The following VGLL4 variants were observed in gnomAD, a reference collection of about 807,000 sequenced individuals.
VGLL4 encodes transcription cofactor vestigial-like protein 4.
A neutral mutation model predicts 21.0 loss-of-function variants in VGLL4; 7 were observed. The ratio of observed to expected loss-of-function variants is 0.33; its 90% confidence interval spans 0.19 to 0.63. The LOEUF is 0.63. Ranked by LOEUF, VGLL4 falls within the 20% of genes least tolerant of loss-of-function variation. The pLI, the probability that VGLL4 is intolerant of heterozygous loss-of-function variation, is 0.78. For synonymous variants in VGLL4, 222 were observed against 173.2 expected, an observed-to-expected ratio of 1.28 and a Z score of -2.21; for missense variants, 394 against 425.7, an observed-to-expected ratio of 0.93 and a Z score of 0.66.
chr3:11,668,637 AG>A (rs1412512115), intron 2 of VGLL4, among the ~76,000 whole-genome samples: 5 of 152,228 alleles, frequency 3.3e-5, no homozygotes, highest in Non-Finnish European at 7.3e-5. Flanking sequence ...CACAGTATAA[AG>A]TCCAAGCCTC....
intron 2 of VGLL4, among the ~76,000 whole-genome samples, chr3:11,698,744 T>C (rs1443260028): frequency 2.6e-5 from 4 of 152,240 alleles, no homozygotes; most frequent in Non-Finnish European, 5.9e-5. Context: ...ATTGTGTTAC[T>C]ACAAAACCAC....
intron 2 of VGLL4, among the ~76,000 whole-genome samples, chr3:11,570,370 G>A (rs528934348): frequency 4.6e-5 from 7 of 152,208 alleles, no homozygotes; most frequent in South Asian, 2.1e-4. Flanking sequence ...CGGAGATGCC[G>A]GCCACCAAGG....
At chr3:11,571,265 T>G (rs558304833) in intron 2 of VGLL4, among the ~76,000 whole-genome samples, 47 of 152,042 alleles carry the variant, frequency 3.1e-4, no homozygotes, top group Non-Finnish European at 1.5e-4. Context: ...TGCCATAGCT[T>G]AACATTGCTT....
intron 2 of VGLL4, among the ~76,000 whole-genome samples, chr3:11,570,573 T>TA (rs2125163333): frequency 6.6e-6 from 1 of 152,112 alleles, no homozygotes; most frequent in Admixed American, 6.5e-5. Context: ...GTCCATAGAG[T>TA]AAATAAATCA....
At chr3:11,652,336 T>C (rs1559924839) in intron 2 of VGLL4, among the ~76,000 whole-genome samples, 1 of 152,356 alleles carries the variant, frequency 6.6e-6, no homozygotes, top group Non-Finnish European at 1.5e-5. Flanking sequence ...ATTAAATTGA[T>C]GCCAAGTGAT....
In VGLL4 at chr3:11,715,029, A is replaced by G. The variant is rs919826023; in HGVS notation, c.-14+5365T>C. Reference sequence around the variant, plus strand: ...GGGCGCCTGTAGTCCCAGCTACTCGAGAGGCTGAGGCAGGAGAATGGCGTG... The same window carrying G: ...GGGCGCCTGTAGTCCCAGCTACTCGGGAGGCTGAGGCAGGAGAATGGCGTG... On this transcript the variant is annotated intron_variant, in intron 1 of 5. Transcript: ENST00000273038. 4.6e-5 allele frequency among the ~76,000 whole-genome samples: 7 copies of G among 151,266 alleles called. No individual in the cohort carries two copies. In the East Asian group the frequency reaches 7.9e-4, roughly 17 times the overall value.
intron 2 of VGLL4, among the ~76,000 whole-genome samples, chr3:11,657,871 A>T (rs753311143): frequency 7.2e-5 from 11 of 152,204 alleles, no homozygotes; most frequent in Non-Finnish European, 1.3e-4. Flanking sequence ...CATGGTATCT[A>T]CATAAATGAT....
At chr3:11,560,761 C>T (rs930147378) in intron 3 of VGLL4, among the ~76,000 whole-genome samples, 1 of 152,150 alleles carries the variant, frequency 6.6e-6, no homozygotes, top group Admixed American at 6.5e-5. Flanking sequence ...CACTTAGCAG[C>T]GGGACAGAGC....
intron 2 of VGLL4, among the ~76,000 whole-genome samples, chr3:11,699,824 G>A (rs2076654570): frequency 6.6e-6 from 1 of 152,036 alleles, no homozygotes; most frequent in Middle Eastern, 3.4e-3. Flanking sequence ...AAAAAAAAAG[G>A]AGAATGATCT....
chr3:11,678,013 C>T (rs1019966378), intron 2 of VGLL4, among the ~76,000 whole-genome samples: 5 of 152,044 alleles, frequency 3.3e-5, no homozygotes, highest in African/African-American at 1.2e-4. Flanking sequence ...CGGACGCCAT[C>T]ATTCTCAGAT....
At chr3:11,564,626 C>T (rs2073354353) in intron 3 of VGLL4, 171 bp downstream of exon 3, 2 of 783,160 alleles carry the variant, frequency 2.6e-6, no homozygotes, top group Admixed American at 5.6e-5. Flanking sequence ...TTCTGCTGTC[C>T]CTTGTCCCAA....
intron 1 of VGLL4, among the ~76,000 whole-genome samples, chr3:11,622,417 C>CG (rs2075280029): frequency 6.7e-6 from 1 of 148,748 alleles, no homozygotes; most frequent in African/African-American, 2.5e-5. Flanking sequence ...ATGGTTTTTA[C>CG]AAAAAAAAAA....
chr3:11,650,237 A>G (rs909361009), intron 2 of VGLL4, among the ~76,000 whole-genome samples: 1 of 152,128 alleles, frequency 6.6e-6, no homozygotes, highest in African/African-American at 2.4e-5. Flanking sequence ...GCCTGGCCCA[A>G]TAAGTGCTTT....
intron 2 of VGLL4, among the ~76,000 whole-genome samples, chr3:11,577,811 G>C (rs2074098052): frequency 6.6e-6 from 1 of 152,136 alleles, no homozygotes; most frequent in Non-Finnish European, 1.5e-5. Context: ...CAATTCTTTG[G>C]TCCCAGGTCT....
intron 2 of VGLL4, among the ~76,000 whole-genome samples, chr3:11,670,402 G>C (rs905858471): frequency 1.3e-5 from 2 of 152,156 alleles, no homozygotes; most frequent in African/African-American, 4.8e-5. Context: ...TAAAATGCTA[G>C]CACTTTCGAA....
chr3:11,602,804 G>A (rs147667991), intron 1 of VGLL4, among the ~76,000 whole-genome samples: 63 of 152,178 alleles, frequency 4.1e-4, no homozygotes, highest in African/African-American at 1.4e-3. Flanking sequence ...TTTGTGCCTC[G>A]CTGTGAATTA....
intron 1 of VGLL4, among the ~76,000 whole-genome samples, chr3:11,711,025 G>A (rs562942099): frequency 5.6e-4 from 85 of 151,868 alleles, no homozygotes; most frequent in Middle Eastern, 3.4e-3. Context: ...ACTCGAACCC[G>A]GGAGGCGGAG....
intron 2 of VGLL4, among the ~76,000 whole-genome samples, chr3:11,567,297 G>A (rs771248822): frequency 3.9e-5 from 6 of 152,134 alleles, no homozygotes; most frequent in Non-Finnish European, 8.8e-5. Flanking sequence ...CTCAGTGAGC[G>A]CCAAGAGAAC....
intron 2 of VGLL4, among the ~76,000 whole-genome samples, chr3:11,689,825 T>C (rs1434591361): frequency 2.0e-5 from 3 of 152,158 alleles, no homozygotes; most frequent in Admixed American, 6.5e-5. Context: ...GGTATACAAG[T>C]AAACAAGCAC....
Sources: allele counts gnomAD v4.1 joint callset (sites outside exome capture counted in the v4.1 genomes callset), GRCh38; gene constraint gnomAD v4.1.1; transcripts MANE v1.5; gene names NCBI Gene and HGNC (gene_info 2026-07-23, HGNC 2026-07-21).